ANTXR2: variants seen among roughly 807,000 people sequenced by gnomAD.
The protein encoded by ANTXR2 is ANTXR cell adhesion molecule 2.
A neutral mutation model predicts 73.7 loss-of-function variants in ANTXR2; 44 were observed. That is an observed-to-expected ratio of 0.60 (90% confidence interval 0.47 to 0.77). The LOEUF is 0.77. Ranked by LOEUF, ANTXR2 falls within the 30% of genes least tolerant of loss-of-function variation. ANTXR2 has a pLI of 0.00. For missense variants in ANTXR2, 604 were observed against 592.5 expected (o/e 1.02, Z -0.20); for synonymous variants, 217 against 205.9 (o/e 1.05, Z -0.46).
chr4:79,976,965 C>A lies in ANTXR2; in HGVS notation c.1428+656G>T, dbSNP rs940137038. Among the ~76,000 whole-genome samples the A allele has an allele frequency of 5.3e-5, 8 of 152,274 alleles. No homozygotes were observed. The South Asian group carries it at 1.7e-3, about 32-fold the overall frequency. ...TTAATCAATTTTTCTTACATCAATACAATGGGAAATAGTACTACTATATTA... is the reference window on the plus strand; with the variant it reads ...TTAATCAATTTTTCTTACATCAATAAAATGGGAAATAGTACTACTATATTA... On this transcript the variant is annotated intron_variant, in intron 16 of 16. Transcript: ENST00000403729.
At chr4:80,044,282 G>A (rs943531278) in intron 7 of ANTXR2, among the ~76,000 whole-genome samples, 4 of 151,852 alleles carry the variant, frequency 2.6e-5, no homozygotes, top group African/African-American at 9.7e-5. Context: ...TGATACATGT[G>A]GAATCATACT....
intron 16 of ANTXR2, among the ~76,000 whole-genome samples, chr4:79,937,375 TG>T (rs1465515003): frequency 6.6e-6 from 1 of 152,248 alleles, no homozygotes; most frequent in Non-Finnish European, 1.5e-5. Context: ...TAGGCTAGTT[TG>T]GCTGGTTTCT....
chr4:80,012,177 G>T (rs981278600), intron 11 of ANTXR2, among the ~76,000 whole-genome samples: 1 of 152,072 alleles, frequency 6.6e-6, no homozygotes, highest in Non-Finnish European at 1.5e-5. Context: ...CCACAATTTT[G>T]TTTCATGAAT....
chr4:79,972,949 G>A lies in ANTXR2; in HGVS notation c.1428+4672C>T, dbSNP rs552631518. On this transcript the variant is annotated intron_variant, in intron 16 of 16. Transcript: ENST00000403729. ...AAAAAAAAAAAAAAAAGAATAGGGCGTCCGAAGGCTTCATTTGTTCACAAG... is the reference window on the plus strand; with the variant it reads ...AAAAAAAAAAAAAAAAGAATAGGGCATCCGAAGGCTTCATTTGTTCACAAG... Among the ~76,000 whole-genome samples the A allele has an allele frequency of 7.0e-4, 90 of 128,676 alleles. 2 individuals are homozygous for A. The highest frequency in any genetic ancestry group is 2.9e-3 in the African/African-American group (86 of 29,662). The allele number at this position is 128,676 out of a possible 152,430, so 84.4% of individuals were successfully genotyped here. A position where few individuals can be genotyped will look rare whatever the true frequency, so the allele number is the denominator to read the frequency against.
rs867574787 is a variant in ANTXR2, at chr4:79,977,641, G to A, written c.1408C>T (p.Arg470Ter). ...CAAACCTCATCTCCTTCCTGAGGTC[G>A]CATCAAAGAAACCCGGTCATACTGC... ...RRQYDRVSLM[R>*]PQEGDEGRCI... The change falls in exon 16 of 17, where the codon CGA becomes TGA. Residue 470 changes from arginine (R) to a stop codon, truncating the protein, a stop_gained. Coordinates refer to ENST00000403729, the MANE Select transcript of ANTXR2 (RefSeq NM_058172.6). LOFTEE classifies it high-confidence loss of function. The A allele has an allele frequency of 5.7e-6, 9 of 1,579,002 alleles. No homozygotes were observed. In the East Asian group the frequency reaches 6.9e-5, roughly 12 times the overall value.
At chr4:80,001,483 G>A (rs1053030929) in intron 12 of ANTXR2, among the ~76,000 whole-genome samples, 1 of 151,810 alleles carries the variant, frequency 6.6e-6, no homozygotes, top group Non-Finnish European at 1.5e-5. Flanking sequence ...GCAATTGCTT[G>A]TACCCTATAA....
intron 3 of ANTXR2, among the ~76,000 whole-genome samples, chr4:80,061,913 T>A (rs1295556591): frequency 1.3e-5 from 2 of 152,172 alleles, no homozygotes; most frequent in African/African-American, 4.8e-5. Context: ...CTGCCCTACA[T>A]ACTGCTTAAC....
chr4:80,066,747 A>T (rs1384044139), intron 3 of ANTXR2, among the ~76,000 whole-genome samples: 8 of 152,124 alleles, frequency 5.3e-5, no homozygotes, highest in Non-Finnish European at 1.2e-4. Flanking sequence ...CATCATCATC[A>T]TTGCCGTCAT....
chr4:80,054,472 C>A, intron 6 of ANTXR2, 120 bp from the exon 7 acceptor site: 1 of 682,704 alleles, frequency 1.5e-6, no homozygotes, highest in Non-Finnish European at 2.5e-6. Context: ...AATTTACCAG[C>A]GTGATCTGTG....
chr4:80,068,268 C>T (rs1039439562), intron 3 of ANTXR2, among the ~76,000 whole-genome samples: 3 of 152,260 alleles, frequency 2.0e-5, no homozygotes, highest in Admixed American at 6.5e-5. Context: ...TTCAGAAATT[C>T]ACATATCATG....
intron 12 of ANTXR2, among the ~76,000 whole-genome samples, chr4:79,997,374 G>T (rs1472736096): frequency 6.6e-6 from 1 of 151,752 alleles, no homozygotes; most frequent in Admixed American, 6.6e-5. Flanking sequence ...TAGGTGCCTA[G>T]GGACCCACAG....
At chr4:79,915,774 G>T (rs942481797) in intron 16 of ANTXR2, among the ~76,000 whole-genome samples, 1 of 150,228 alleles carries the variant, frequency 6.7e-6, no homozygotes, top group Non-Finnish European at 1.5e-5. Context: ...TGAAGAAAAG[G>T]CATGTAGTAT....
At chr4:79,930,885 C>T (rs1490796048) in intron 16 of ANTXR2, among the ~76,000 whole-genome samples, 3 of 152,074 alleles carry the variant, frequency 2.0e-5, no homozygotes, top group Admixed American at 1.3e-4. Context: ...TATTTATTTC[C>T]GCTTACAGCT....
chr4:79,992,994 C>A (rs951679980), intron 12 of ANTXR2, among the ~76,000 whole-genome samples: 3 of 151,980 alleles, frequency 2.0e-5, no homozygotes, highest in African/African-American at 4.8e-5. Flanking sequence ...GCATATGATT[C>A]TCTTGATATG....
intron 16 of ANTXR2, among the ~76,000 whole-genome samples, chr4:79,932,003 ATT>A (rs763452553): frequency 1.9e-4 from 29 of 152,184 alleles, no homozygotes; most frequent in Non-Finnish European, 2.8e-4. Context: ...GCCTACAGAT[ATT>A]CTCATTCATA....
At chr4:80,016,746 T>C (rs1316079504) in intron 11 of ANTXR2, among the ~76,000 whole-genome samples, 1 of 152,258 alleles carries the variant, frequency 6.6e-6, no homozygotes, top group Non-Finnish European at 1.5e-5. Flanking sequence ...AAAACCACAG[T>C]TGCTTTTGCA....
intron 12 of ANTXR2, among the ~76,000 whole-genome samples, chr4:79,991,817 C>A (rs1025306994): frequency 6.6e-6 from 1 of 152,072 alleles, no homozygotes; most frequent in South Asian, 2.1e-4. Context: ...ATGGATGCAG[C>A]TGGAGGCCAT....
chr4:79,984,765 A>G, intron 13 of ANTXR2, 54 bp downstream of exon 13: 1 of 1,456,590 alleles, frequency 6.9e-7, no homozygotes, highest in Non-Finnish European at 9.5e-7. Flanking sequence ...TGGGCATGGT[A>G]TCTGCATTTG....
At chr4:80,020,829 T>C (rs1026363689) in intron 10 of ANTXR2, among the ~76,000 whole-genome samples, 1 of 152,236 alleles carries the variant, frequency 6.6e-6, no homozygotes, top group Non-Finnish European at 1.5e-5. Flanking sequence ...AAAATATTTC[T>C]GTGTAAAGTA....
Sources: gnomAD v4.1 joint callset for allele counts (sites outside exome capture counted in the v4.1 genomes callset) on GRCh38, gnomAD v4.1.1 for gene constraint, MANE v1.5 for transcripts, NCBI Gene and HGNC (gene_info 2026-07-23, HGNC 2026-07-21) for gene names.